The following SNX9 variants were observed in gnomAD, a reference collection of about 807,000 sequenced individuals.
The protein encoded by SNX9 is sorting nexin 9.
A neutral mutation model predicts 89.4 loss-of-function variants in SNX9; 44 were observed. The observed-to-expected ratio is 0.49, with a 90% CI of 0.39 to 0.63. The LOEUF is 0.63. Ranked by LOEUF, SNX9 falls within the 30% of genes least tolerant of loss-of-function variation. The probability of loss-of-function intolerance (pLI) is 0.00; values close to 1 mark genes in which losing one functional copy is unlikely to be tolerated. For synonymous variants in SNX9, 236 were observed against 247.8 expected, an observed-to-expected ratio of 0.95 and a Z score of 0.45; for missense variants, 578 against 736.1, an observed-to-expected ratio of 0.79 and a Z score of 2.49.
intron 16 of SNX9, among the ~76,000 whole-genome samples, 159 bp downstream of exon 16, chr6:157,938,906 A>G (rs916159469): frequency 1.3e-5 from 2 of 152,128 alleles, no homozygotes; most frequent in African/African-American, 4.8e-5. Context: ...AAAATCTGTA[A>G]TATTTATTTA....
chr6:157,938,541 A>AT, intron 15 of SNX9, 92 bp from the exon 16 acceptor site: 1 of 782,612 alleles, frequency 1.3e-6, no homozygotes, highest in East Asian at 2.7e-5. Context: ...TCAGTAGCAA[A>AT]TCAGTTATAG....
chr6:157,852,589 G>GT (rs999643008), intron 1 of SNX9, among the ~76,000 whole-genome samples: 3 of 133,004 alleles, frequency 2.3e-5, no homozygotes, highest in Non-Finnish European at 4.9e-5. Flanking sequence ...TTTTTGTTTT[G>GT]TTTTTTTGAG....
At chr6:157,881,337 G>C (rs6455870) in intron 4 of SNX9, among the ~76,000 whole-genome samples, 1 of 151,964 alleles carries the variant, frequency 6.6e-6, no homozygotes, top group African/African-American at 2.4e-5. Context: ...TGTTCTACCC[G>C]CCAGCCATAC....
intron 1 of SNX9, among the ~76,000 whole-genome samples, chr6:157,850,077 G>A (rs888904949): frequency 6.6e-6 from 1 of 152,182 alleles, no homozygotes; most frequent in African/African-American, 2.4e-5. Flanking sequence ...GGAAAGGAAG[G>A]AAGAAAACCA....
intron 13 of SNX9, among the ~76,000 whole-genome samples, chr6:157,932,495 C>T (rs1783831878): frequency 6.6e-6 from 1 of 152,146 alleles, no homozygotes; most frequent in Non-Finnish European, 1.5e-5. Flanking sequence ...AGCTCGTTTG[C>T]CTTTTTTTGC....
chr6:157,838,673 T>G (rs893604360), intron 1 of SNX9, among the ~76,000 whole-genome samples: 3 of 152,248 alleles, frequency 2.0e-5, no homozygotes, highest in African/African-American at 7.2e-5. Flanking sequence ...GGATCATTTC[T>G]CTAGTTTAGG....
intron 4 of SNX9, among the ~76,000 whole-genome samples, chr6:157,892,263 A>C (rs895053734): frequency 6.6e-6 from 1 of 152,140 alleles, no homozygotes; most frequent in Non-Finnish European, 1.5e-5. Flanking sequence ...GCAGAGATCG[A>C]CGTATGGGAA....
At chr6:157,847,030 AAGGCTCCATCTC>A (rs1781818774) in intron 1 of SNX9, among the ~76,000 whole-genome samples, 1 of 152,090 alleles carries the variant, frequency 6.6e-6, no homozygotes, top group South Asian at 2.1e-4. Flanking sequence ...GCAACAGAGC[AAGGCTCCATCTC>A]AAAAAAAAGA....
intron 4 of SNX9, among the ~76,000 whole-genome samples, chr6:157,889,990 G>T (rs1479011722): frequency 6.6e-6 from 1 of 152,172 alleles, no homozygotes; most frequent in African/African-American, 2.4e-5. Flanking sequence ...AGAGAGCTAA[G>T]TAAATTACCC....
intron 16 of SNX9, among the ~76,000 whole-genome samples, chr6:157,939,196 G>A (rs933152788): frequency 2.6e-5 from 4 of 152,126 alleles, no homozygotes; most frequent in African/African-American, 9.7e-5. Flanking sequence ...GCAGATGAGG[G>A]CAGCAAGTGG....
chr6:157,880,334 G>T (rs1047869869), intron 4 of SNX9, among the ~76,000 whole-genome samples: 2 of 152,038 alleles, frequency 1.3e-5, no homozygotes, highest in African/African-American at 4.8e-5. Context: ...CTTTAAAAGG[G>T]GGTCTTCAAT....
intron 7 of SNX9, among the ~76,000 whole-genome samples, chr6:157,906,573 T>C (rs987922338): frequency 6.6e-6 from 1 of 152,220 alleles, no homozygotes; most frequent in African/African-American, 2.4e-5. Flanking sequence ...GTAAAGTACA[T>C]GTATGTTATC....
chr6:157,879,050 A>G (rs1418518469), intron 4 of SNX9, among the ~76,000 whole-genome samples: 1 of 152,232 alleles, frequency 6.6e-6, no homozygotes, highest in African/African-American at 2.4e-5. Context: ...CAGACAGGCA[A>G]TGTCATACAA....
chr6:157,932,490 G>A (rs144312368), intron 13 of SNX9, among the ~76,000 whole-genome samples: 33 of 152,266 alleles, frequency 2.2e-4, no homozygotes, highest in Non-Finnish European at 4.1e-4. Flanking sequence ...TTGCTAGCTC[G>A]TTTGCCTTTT....
At chr6:157,906,707 A>T (rs1375783484) in intron 7 of SNX9, among the ~76,000 whole-genome samples, 1 of 152,236 alleles carries the variant, frequency 6.6e-6, no homozygotes, top group Non-Finnish European at 1.5e-5. Context: ...TAAAGACATC[A>T]TTGAGAATAT....
intron 4 of SNX9, among the ~76,000 whole-genome samples, chr6:157,881,711 A>G (rs1415147977): frequency 6.6e-6 from 1 of 152,238 alleles, no homozygotes. Flanking sequence ...AAGATCAAAC[A>G]GGCCACAACA....
intron 9 of SNX9, among the ~76,000 whole-genome samples, chr6:157,911,579 T>C (rs1583232572): frequency 6.6e-6 from 1 of 152,304 alleles, no homozygotes; most frequent in East Asian, 1.9e-4. Context: ...ATCTTCACTT[T>C]ATAGATGAGG....
intron 12 of SNX9, among the ~76,000 whole-genome samples, chr6:157,931,399 A>T (rs16900513): frequency 6.6e-6 from 1 of 152,220 alleles, no homozygotes; most frequent in Non-Finnish European, 1.5e-5. Flanking sequence ...TTAATACTGC[A>T]GTGAGTCTTT....
At position 157,823,501 on chromosome 6, in the gene SNX9, AGAGGGTCGGGGCCGGGGCCGCGGG is replaced by A. The variant is rs918774036; in HGVS notation, c.12+69_12+92del. On this transcript the variant is annotated intron_variant, in intron 1 of 17. Transcript: ENST00000392185. This position sits in a 1 kb window ranked among gnomAD's most constrained non-coding sequence, Gnocchi z 4.6. ...GTCGCTCAGGCCCGGGGCGGCGCGGAGAGGGTCGGGGCCGGGGCCGCGGGGAGGGTCGGGGCCAGGGGTGGTCGA... is the reference window on the plus strand; with the variant it reads ...GTCGCTCAGGCCCGGGGCGGCGCGGAGAGGGTCGGGGCCAGGGGTGGTCGA... The A allele has an allele frequency of 6.9e-5, 80 of 1,153,040 alleles. No individual in the cohort carries two copies. Among genetic ancestry groups the A allele is most frequent in the South Asian group, 1.3e-4 (3 of 23,292 alleles). The allele number at this position is 1,153,040 out of a possible 1,614,324, so 71.4% of individuals were successfully genotyped here.
Sources: allele counts gnomAD v4.1 joint callset (sites outside exome capture counted in the v4.1 genomes callset), GRCh38; gene constraint gnomAD v4.1.1; non-coding constraint Gnocchi (gnomAD v3.1); transcripts MANE v1.5; gene names NCBI Gene and HGNC (gene_info 2026-07-23, HGNC 2026-07-21).